NXN: variants seen among roughly 807,000 people sequenced by gnomAD.
The protein encoded by NXN is nucleoredoxin 1.
Under a neutral mutation model 48.6 loss-of-function variants are expected in NXN, and 16 were observed. The ratio of observed to expected loss-of-function variants is 0.33; its 90% CI spans 0.22 to 0.50. The LOEUF (loss-of-function observed/expected upper bound fraction) is 0.50, where lower values mean the gene tolerates loss of function less well. Among genes scored for constraint, NXN ranks in the 20% least tolerant of loss-of-function variants. The probability of loss-of-function intolerance (pLI) is 0.98; values close to 1 mark genes in which losing one functional copy is unlikely to be tolerated. For missense variants in NXN, 492 were observed against 605.5 expected, an observed-to-expected ratio of 0.81 and a Z score of 1.97; for synonymous variants, 281 against 269.6, an observed-to-expected ratio of 1.04 and a Z score of -0.41.
At chr17:853,134 T>C (rs73291507) in intron 1 of NXN, among the ~76,000 whole-genome samples, 10,396 of 151,130 alleles carry the variant, frequency 0.069, 1,178 homozygotes, top group African/African-American at 0.24. Flanking sequence ...CCCACCACCA[T>C]GCCCGGCTAA....
chr17:902,735 G>T, intron 1 of NXN, among the ~76,000 whole-genome samples: 1 of 150,338 alleles, frequency 6.7e-6, no homozygotes, highest in Non-Finnish European at 1.5e-5. Context: ...CCACCACCCT[G>T]GTACTCACAC....
intron 5 of NXN, among the ~76,000 whole-genome samples, chr17:818,809 C>T (rs1159899317): frequency 6.0e-5 from 9 of 150,812 alleles, no homozygotes; most frequent in African/African-American, 1.5e-4. Context: ...GGCGTGAACC[C>T]GGGAGGCGGA....
At position 958,677 on chromosome 17, in the gene NXN, A is replaced by G. The variant is rs1287069597; in HGVS notation, c.360+20642T>C. Among the ~76,000 whole-genome samples the G allele has an allele frequency of 6.6e-6, 1 of 152,174 alleles. No homozygotes were observed. Among genetic ancestry groups the G allele is most frequent in the Non-Finnish European group, 1.5e-5 (1 of 68,038 alleles). On this transcript the variant is annotated intron_variant, in intron 1 of 7. Transcript: ENST00000336868. This position sits in a 1 kb window ranked among gnomAD's most constrained non-coding sequence, Gnocchi z 6.9. ...TCCCAGCTACTCAGGAGGCTGAGGC[A>G]GGAGAATCACCGAGGCGGAGGTAGA... is the stretch of plus-strand genomic sequence containing the variant.
chr17:853,256 C>T (rs1277378819), intron 1 of NXN, among the ~76,000 whole-genome samples: 1 of 152,146 alleles, frequency 6.6e-6, no homozygotes, highest in Non-Finnish European at 1.5e-5. Flanking sequence ...CCAGCCTGGC[C>T]AGCACGGTGA....
At chr17:804,154 T>C (rs1378105727) in intron 6 of NXN, among the ~76,000 whole-genome samples, 2 of 152,084 alleles carry the variant, frequency 1.3e-5, no homozygotes, top group Non-Finnish European at 2.9e-5. Context: ...AGGCGCCTGC[T>C]AGTGTTTCTC....
At chr17:902,928 T>G (rs1384000901) in intron 1 of NXN, among the ~76,000 whole-genome samples, 1 of 150,944 alleles carries the variant, frequency 6.6e-6, no homozygotes, top group Non-Finnish European at 1.5e-5. Context: ...CACCATCACG[T>G]CTGGCTAATT....
intron 5 of NXN, among the ~76,000 whole-genome samples, chr17:818,783 G>A (rs1489341754): frequency 6.6e-6 from 1 of 151,692 alleles, no homozygotes; most frequent in Non-Finnish European, 1.5e-5. Context: ...TACTGGGGAG[G>A]CTGAGGCAGG....
chr17:906,976 T>C (rs2068587338), intron 1 of NXN, among the ~76,000 whole-genome samples: 1 of 152,110 alleles, frequency 6.6e-6, no homozygotes, highest in African/African-American at 2.4e-5. Flanking sequence ...TTCTTTGGTC[T>C]ATAAACATTT....
chr17:854,075 C>G (rs113132830), intron 1 of NXN, among the ~76,000 whole-genome samples: 2,020 of 152,214 alleles, frequency 0.013, 40 homozygotes, highest in African/African-American at 0.047. Context: ...CCCCACTGGA[C>G]TACAAAGCTC....
chr17:890,131 C>T (rs17681542), intron 1 of NXN, among the ~76,000 whole-genome samples: 19,615 of 151,916 alleles, frequency 0.13, 1,688 homozygotes, highest in Middle Eastern at 0.25. Context: ...AGTGTCTGGA[C>T]CTACTCGTTA....
intron 1 of NXN, among the ~76,000 whole-genome samples, chr17:938,560 G>A (rs1009489000): frequency 3.3e-5 from 5 of 151,970 alleles, no homozygotes; most frequent in Non-Finnish European, 7.4e-5. Context: ...ACGAGCCCCT[G>A]TAGTCCCAGC....
chr17:850,131 G>C (rs2067908356), intron 1 of NXN, among the ~76,000 whole-genome samples: 1 of 152,140 alleles, frequency 6.6e-6, no homozygotes, highest in Non-Finnish European at 1.5e-5. Flanking sequence ...GAGAGTCCAA[G>C]CACATCACTA....
intron 1 of NXN, among the ~76,000 whole-genome samples, chr17:859,469 C>T (rs1363147331): frequency 1.3e-5 from 2 of 152,124 alleles, no homozygotes; most frequent in African/African-American, 4.8e-5. Context: ...AAGTTGACTT[C>T]CCCAAGACGT....
chr17:846,346 G>A (rs1348883401), intron 1 of NXN, among the ~76,000 whole-genome samples: 1 of 150,942 alleles, frequency 6.6e-6, no homozygotes, highest in African/African-American at 2.4e-5. Flanking sequence ...GAACCCGGGA[G>A]GTGGAAGTTG....
intron 1 of NXN, among the ~76,000 whole-genome samples, chr17:839,357 C>T (rs920500401): frequency 1.3e-5 from 2 of 151,978 alleles, no homozygotes; most frequent in Admixed American, 6.6e-5. Flanking sequence ...ATCGCTTGAA[C>T]CTGGGAGGCG....
intron 1 of NXN, among the ~76,000 whole-genome samples, chr17:888,506 C>A (rs2068373271): frequency 6.6e-6 from 1 of 152,198 alleles, no homozygotes; most frequent in Admixed American, 6.5e-5. Flanking sequence ...CAGGCATGAG[C>A]CATCACACCT....
chr17:974,076 G>A (rs575987252), intron 1 of NXN, among the ~76,000 whole-genome samples: 5 of 151,938 alleles, frequency 3.3e-5, no homozygotes, highest in Admixed American at 1.3e-4. Flanking sequence ...CATGCCGGGC[G>A]CGGTGGCTCA....
At chr17:806,129 C>G (rs927484208) in intron 5 of NXN, among the ~76,000 whole-genome samples, 19 of 150,834 alleles carry the variant, frequency 1.3e-4, no homozygotes, top group Non-Finnish European at 2.8e-4. Context: ...CCGTCTGCAC[C>G]CCAGCCCTCC....
intron 1 of NXN, among the ~76,000 whole-genome samples, chr17:897,970 T>C (rs1393243088): frequency 1.3e-5 from 2 of 152,188 alleles, no homozygotes; most frequent in African/African-American, 4.8e-5. Flanking sequence ...TGTGAACCCC[T>C]GCTGCTGGCC....
Sources: gnomAD v4.1 joint callset for allele counts (sites outside exome capture counted in the v4.1 genomes callset) on GRCh38, gnomAD v4.1.1 for gene constraint, Gnocchi (gnomAD v3.1) non-coding constraint, MANE v1.5 for transcripts, NCBI Gene and HGNC (gene_info 2026-07-23, HGNC 2026-07-21) for gene names.